The following RARB variants were observed in gnomAD, a reference collection of about 807,000 sequenced individuals.
The protein encoded by RARB is HBV-activated protein.
Under a neutral mutation model 51.9 loss-of-function variants are expected in RARB, and 17 were observed. That is an observed-to-expected ratio of 0.33 (90% CI 0.22 to 0.49). The LOEUF (loss-of-function observed/expected upper bound fraction) is 0.49, where lower values mean the gene tolerates loss of function less well. RARB is among the 20% of genes least tolerant of loss of function. The pLI, the probability that RARB is intolerant of heterozygous loss-of-function variation, is 0.99. For missense variants in RARB, 369 were observed against 550.8 expected (o/e 0.67, Z 3.30); for synonymous variants, 215 against 195.4 (o/e 1.10, Z -0.84).
At chr3:24,923,437 G>A (rs1327990218) in intron 2 of RARB, among the ~76,000 whole-genome samples, 1 of 152,000 alleles carries the variant, frequency 6.6e-6, no homozygotes, top group Non-Finnish European at 1.5e-5. Context: ...AATCCATTGA[G>A]ATCTACCAAT....
intron 3 of RARB, among the ~76,000 whole-genome samples, chr3:25,507,475 A>G (rs1697668485): frequency 6.6e-6 from 1 of 152,182 alleles, no homozygotes; most frequent in African/African-American, 2.4e-5. Flanking sequence ...CCCAGGCGTG[A>G]CATGAGAATT....
intron 3 of RARB, among the ~76,000 whole-genome samples, chr3:25,112,908 G>T (rs1290329869): frequency 1.3e-5 from 2 of 152,162 alleles, no homozygotes; most frequent in South Asian, 4.1e-4. Flanking sequence ...AAGATCTTCT[G>T]TGTTCTTAGC....
chr3:24,976,198 T>A (rs1696508656), intron 2 of RARB, among the ~76,000 whole-genome samples: 1 of 152,226 alleles, frequency 6.6e-6, no homozygotes, highest in South Asian at 2.1e-4. Context: ...GTTCCAAGTC[T>A]TTGCTATTGT....
intron 5 of RARB, among the ~76,000 whole-genome samples, chr3:25,290,678 T>C (rs1166664389): frequency 1.3e-5 from 2 of 152,218 alleles, no homozygotes; most frequent in Non-Finnish European, 1.5e-5. Context: ...ATCCTGCTCA[T>C]GCAATTCACC....
chr3:24,946,141 T>C (rs1032529115), intron 2 of RARB, among the ~76,000 whole-genome samples: 2 of 151,556 alleles, frequency 1.3e-5, no homozygotes, highest in African/African-American at 2.4e-5. Flanking sequence ...GGCAGCTGCC[T>C]GTAGTCCCAG....
chr3:25,367,100 C>T (rs1286882001), intron 5 of RARB, among the ~76,000 whole-genome samples: 6 of 152,158 alleles, frequency 3.9e-5, no homozygotes, highest in Middle Eastern at 3.2e-3. Context: ...ACATGTGAAA[C>T]TAGAGATCTA....
At chr3:25,534,958 A>G (rs1343978298) in intron 3 of RARB, among the ~76,000 whole-genome samples, 1 of 152,198 alleles carries the variant, frequency 6.6e-6, no homozygotes, top group African/African-American at 2.4e-5. Context: ...CTTGCCAGTA[A>G]AGTGAATGAA....
At chr3:25,581,857 C>G (rs777244946) in intron 5 of RARB, among the ~76,000 whole-genome samples, 5 of 152,026 alleles carry the variant, frequency 3.3e-5, no homozygotes, top group Non-Finnish European at 5.9e-5. Flanking sequence ...CATGCCAGCT[C>G]CCTGACCTCA....
chr3:25,461,918 G>C (rs1695206466), intron 2 of RARB, among the ~76,000 whole-genome samples: 1 of 152,168 alleles, frequency 6.6e-6, no homozygotes, highest in Non-Finnish European at 1.5e-5. Context: ...AAAAAACAAA[G>C]AACTGGTTGG....
At chr3:25,310,963 G>T (rs896287207) in intron 5 of RARB, among the ~76,000 whole-genome samples, 3 of 152,198 alleles carry the variant, frequency 2.0e-5, no homozygotes, top group Non-Finnish European at 4.4e-5. Context: ...GGAAATTAAA[G>T]GAGATGTATA....
chr3:25,450,736 G>C (rs1709155866), intron 1 of RARB, among the ~76,000 whole-genome samples: 1 of 152,114 alleles, frequency 6.6e-6, no homozygotes, highest in Admixed American at 6.5e-5. Context: ...GTGACAGCCA[G>C]AAATGTCTCC....
At chr3:25,569,979 C>G (rs1700645158) in intron 4 of RARB, 61 bp downstream of exon 4, 5 of 1,284,414 alleles carry the variant, frequency 3.9e-6, no homozygotes, top group Non-Finnish European at 5.3e-6. Context: ...TGCATGTGTG[C>G]AGACACACAC....
intron 2 of RARB, among the ~76,000 whole-genome samples, chr3:25,476,970 C>T (rs1482609806): frequency 2.0e-5 from 3 of 152,172 alleles, no homozygotes; most frequent in African/African-American, 7.2e-5. Context: ...ATGATGTAGG[C>T]ACTCAATAAA....
intron 5 of RARB, among the ~76,000 whole-genome samples, chr3:25,249,643 C>G (rs888213303): frequency 7.3e-6 from 1 of 137,460 alleles, no homozygotes; most frequent in African/African-American, 2.7e-5. Flanking sequence ...GTCACTTCAG[C>G]TTTGATTCTG....
chr3:25,294,711 G>A (rs1197530163), intron 5 of RARB, among the ~76,000 whole-genome samples: 3 of 87,132 alleles, frequency 3.4e-5, no homozygotes, highest in African/African-American at 7.3e-5. Context: ...TCCTTCCAAC[G>A]GCCCGTTGGC....
intron 3 of RARB, among the ~76,000 whole-genome samples, chr3:25,513,376 T>C (rs1309357664): frequency 6.6e-6 from 1 of 152,054 alleles, no homozygotes; most frequent in Non-Finnish European, 1.5e-5. Flanking sequence ...ACCTAAGGAC[T>C]GGGGATTCTG....
At chr3:25,307,634 A>G (rs1205895495) in intron 5 of RARB, among the ~76,000 whole-genome samples, 1 of 152,092 alleles carries the variant, frequency 6.6e-6, no homozygotes, top group African/African-American at 2.4e-5. Context: ...AGCTTTCTGC[A>G]CCCCCTGCTA....
At chr3:25,110,533 T>C (rs1699584605) in intron 3 of RARB, among the ~76,000 whole-genome samples, 1 of 152,198 alleles carries the variant, frequency 6.6e-6, no homozygotes, top group African/African-American at 2.4e-5. Flanking sequence ...TTGTTTTAAA[T>C]ATTAAGACTT....
intron 5 of RARB, among the ~76,000 whole-genome samples, chr3:25,190,242 G>C (rs1701067610): frequency 6.6e-6 from 1 of 152,036 alleles, no homozygotes; most frequent in Admixed American, 6.6e-5. Context: ...TCTGGACATA[G>C]GAACAGTCAA....
Sources: gnomAD v4.1 joint callset for allele counts (sites outside exome capture counted in the v4.1 genomes callset) on GRCh38, gnomAD v4.1.1 for gene constraint, MANE v1.5 for transcripts, NCBI Gene and HGNC (gene_info 2026-07-23, HGNC 2026-07-21) for gene names.